DHX57: variants seen among roughly 807,000 people sequenced by gnomAD.
DHX57 encodes the protein DExH-box helicase 57, also known as putative ATP-dependent RNA helicase DHX57.
In DHX57, 105 loss-of-function variants were observed where a neutral mutation model predicts 156.2. The observed-to-expected ratio is 0.67, with a 90% CI of 0.57 to 0.79. DHX57 has a LOEUF of 0.79. Among genes scored for constraint, DHX57 ranks in the 30% least tolerant of loss-of-function variants. The pLI is 0.00. For synonymous variants in DHX57, 704 were observed against 595.6 expected, an observed-to-expected ratio of 1.18 and a Z score of -2.65; for missense variants, 1,847 against 1,661.9, an observed-to-expected ratio of 1.11 and a Z score of -1.94.
chr2:38,858,009 A>G (rs570518939), intron 6 of DHX57, among the ~76,000 whole-genome samples: 5 of 152,196 alleles, frequency 3.3e-5, no homozygotes, highest in Non-Finnish European at 7.3e-5. Context: ...CTGAGACTAC[A>G]GGCATGTGTT....
chr2:38,871,059 C>T (rs1436521853), intron 1 of DHX57, among the ~76,000 whole-genome samples: 1 of 152,010 alleles, frequency 6.6e-6, no homozygotes, highest in Non-Finnish European at 1.5e-5. Flanking sequence ...CAAGTTGAGG[C>T]AAGTATCCCT....
rs142929977 is a variant in DHX57, at chr2:38,820,942, C to T, written c.3292-1798G>A. ...AAAAAATCCTTTCTTCTCAAGTATA[C>T]GTGGAACACCCTCCAGGACAGACCA... On this transcript the variant is annotated intron_variant, in intron 17 of 23. Coordinates refer to ENST00000457308, the MANE Select transcript of DHX57 (RefSeq NM_198963.3). 5.3e-3 allele frequency among the ~76,000 whole-genome samples: 794 copies of T among 149,164 alleles called. 2 individuals are homozygous for T. The highest frequency in any genetic ancestry group is 0.011 in the Middle Eastern group (3 of 280).
intron 13 of DHX57, among the ~76,000 whole-genome samples, chr2:38,837,319 G>T (rs1021551433): frequency 7.2e-5 from 11 of 152,136 alleles, no homozygotes; most frequent in Non-Finnish European, 1.6e-4. Context: ...GCATAGAAAA[G>T]ATAGGACTAG....
Position 38,802,873 on chromosome 2 carries a change from T to C in DHX57, c.3859A>G (p.Ile1287Val). Residue 1287 changes from isoleucine to valine, a missense_variant, in exon 23 of 24, where the codon ATA (isoleucine) becomes GTA (valine). By Grantham distance (29) the Ile-to-Val change is conservative. Transcript: ENST00000457308. ...DSPYLLYHEK[I>V]KTSRVFIRDC... The stretch of plus-strand genomic sequence containing the variant: ...CGGATGAATACTCGACTAGTTTTTA[T>C]CTTCTCGTGGTACAACAGGTAGGGG... The C allele has an allele frequency of 6.2e-7, 1 of 1,614,164 alleles. No homozygotes were observed. The highest frequency in any genetic ancestry group is 8.5e-7 in the Non-Finnish European group (1 of 1,180,020).
At chr2:38,812,822 C>T (rs897323525) in intron 21 of DHX57, among the ~76,000 whole-genome samples, 4 of 139,156 alleles carry the variant, frequency 2.9e-5, no homozygotes, top group South Asian at 2.4e-4. Context: ...CGTGAGCCAT[C>T]GTGCCTGTCC....
chr2:38,861,892 T>C, intron 4 of DHX57, 55 bp from the exon 5 acceptor site: 1 of 1,489,482 alleles, frequency 6.7e-7, no homozygotes, highest in Non-Finnish European at 9.0e-7. Context: ...ATCACACCAT[T>C]ACAGTAAAAT....
At chr2:38,872,153 T>C (rs953284139) in intron 1 of DHX57, among the ~76,000 whole-genome samples, 4 of 152,218 alleles carry the variant, frequency 2.6e-5, no homozygotes, top group Non-Finnish European at 4.4e-5. Flanking sequence ...GTCTAATACA[T>C]GAACTTTGGG....
chr2:38,868,968 A>AT (rs1391362442), intron 1 of DHX57, among the ~76,000 whole-genome samples: 2 of 152,012 alleles, frequency 1.3e-5, no homozygotes, highest in African/African-American at 2.4e-5. Context: ...CGCCCAGCTA[A>AT]TATTTGTATT....
intron 23 of DHX57, among the ~76,000 whole-genome samples, chr2:38,802,329 C>T (rs1423521984): frequency 3.3e-5 from 5 of 150,742 alleles, no homozygotes; most frequent in South Asian, 2.1e-4. Flanking sequence ...GCTCTGTTGC[C>T]GAGGCTGGAG....
intron 17 of DHX57, among the ~76,000 whole-genome samples, chr2:38,819,996 T>C (rs1452615628): frequency 6.6e-6 from 1 of 152,212 alleles, no homozygotes; most frequent in Non-Finnish European, 1.5e-5. Context: ...ATAATATTTC[T>C]CTACCTTCTC....
In DHX57 at chr2:38,842,990, C is replaced by G. The variant is rs752336622; in HGVS notation, c.2425+15G>C. 1.2e-6 allele frequency: 2 copies of G among 1,611,180 alleles called. No homozygotes were observed. The highest frequency in any genetic ancestry group is 1.7e-6 in the Non-Finnish European group (2 of 1,177,434). ...CTTTGGCATAATTATAATATTCCCC[C>G]AAGAGGCATGTTACCTTTATAGCGG... On this transcript the variant is annotated intron_variant, in intron 12 of 23. Coordinates refer to ENST00000457308, the MANE Select transcript of DHX57 (RefSeq NM_198963.3).
chr2:38,820,142 CTT>C (rs1479047320), intron 17 of DHX57, among the ~76,000 whole-genome samples: 2 of 152,142 alleles, frequency 1.3e-5, no homozygotes, highest in Admixed American at 1.3e-4. Context: ...TTTAAATAAT[CTT>C]ATAACTAATA....
intron 13 of DHX57, among the ~76,000 whole-genome samples, chr2:38,834,966 G>A (rs1671577829): frequency 6.6e-6 from 1 of 152,262 alleles, no homozygotes; most frequent in Admixed American, 6.5e-5. Flanking sequence ...AAAAAGCAAA[G>A]CAACTTAAAG....
chr2:38,824,794 T>A (rs1671010276), intron 16 of DHX57, among the ~76,000 whole-genome samples: 1 of 152,146 alleles, frequency 6.6e-6, no homozygotes, highest in Admixed American at 6.6e-5. Context: ...ATTACAGGCG[T>A]GCGCCACTAT....
At chr2:38,855,887 A>C (rs562729968) in intron 7 of DHX57, among the ~76,000 whole-genome samples, 63 of 152,302 alleles carry the variant, frequency 4.1e-4, no homozygotes, top group African/African-American at 1.4e-3. Flanking sequence ...ACTTGAGGCC[A>C]GGAGTTCGAG....
Position 38,863,429 on chromosome 2 carries a change from A to C in DHX57, c.315T>G (p.Ser105=). Residue 105 remains serine (S), a synonymous_variant, in exon 3 of 24, where the codon TCT becomes TCG. Coordinates refer to ENST00000457308, the MANE Select transcript of DHX57 (RefSeq NM_198963.3). The part of the protein sequence containing the change: ...KVPLQTLHMT[S]ENQEKVKALL... ...GAGCTTTCACTTTCTCTTGATTCTC[A>C]GAAGTCATATGTAGAGTCTGAAGGG... The C allele has an allele frequency of 1.9e-6, 3 of 1,614,068 alleles. No homozygotes were observed. The highest frequency in any genetic ancestry group is 2.5e-6 in the Non-Finnish European group (3 of 1,179,970).
intron 17 of DHX57, among the ~76,000 whole-genome samples, chr2:38,819,356 G>A (rs1017320302): frequency 8.6e-5 from 13 of 152,046 alleles, no homozygotes; most frequent in African/African-American, 2.2e-4. Context: ...TAAAATTTTC[G>A]GTAGAGACGG....
chr2:38,859,990 T>C (rs1558400943), intron 5 of DHX57, among the ~76,000 whole-genome samples: 1 of 151,820 alleles, frequency 6.6e-6, no homozygotes, highest in Admixed American at 6.6e-5. Context: ...TAAGAAAATA[T>C]ATATATTTTC....
intron 21 of DHX57, chr2:38,811,015 G>C: frequency 1.4e-6 from 1 of 712,916 alleles, no homozygotes; most frequent in Non-Finnish European, 2.5e-6. Flanking sequence ...TGAAAATGTT[G>C]GGGGTGTTGG....
Sources: gnomAD v4.1 joint callset for allele counts (sites outside exome capture counted in the v4.1 genomes callset) on GRCh38, gnomAD v4.1.1 for gene constraint, MANE v1.5 for transcripts, NCBI Gene and HGNC (gene_info 2026-07-23, HGNC 2026-07-21) for gene names.